The following GLRA1 variants were observed in gnomAD, a reference collection of about 807,000 sequenced individuals.
The protein encoded by GLRA1 is glycine receptor alpha 1.
In GLRA1, 37 loss-of-function variants were observed where a neutral mutation model predicts 48.3. That is an observed-to-expected ratio of 0.77 (90% CI 0.59 to 1.01). The LOEUF is 1.01. Among genes scored for constraint, GLRA1 ranks in the 50% least tolerant of loss-of-function variants. The pLI, the probability that GLRA1 is intolerant of heterozygous loss-of-function variation, is 0.00. For synonymous variants in GLRA1, 196 were observed against 210.7 expected (o/e 0.93, Z 0.60); for missense variants, 427 against 571.0 (o/e 0.75, Z 2.57).
At chr5:151,834,270 A>G (rs1219547872) in intron 7 of GLRA1, among the ~76,000 whole-genome samples, 4 of 152,236 alleles carry the variant, frequency 2.6e-5, no homozygotes, top group Admixed American at 2.6e-4. Flanking sequence ...ATCATAACAA[A>G]CAGTCTCTCA....
chr5:151,849,369 T>A (rs1752815578), intron 7 of GLRA1, among the ~76,000 whole-genome samples: 2 of 62,550 alleles, frequency 3.2e-5, no homozygotes, highest in Non-Finnish European at 5.8e-5. Flanking sequence ...CTTCCTTTCT[T>A]CCTTTCGTTT....
chr5:151,879,203 G>A (rs1352395217), intron 3 of GLRA1, among the ~76,000 whole-genome samples: 1 of 152,198 alleles, frequency 6.6e-6, no homozygotes, highest in Non-Finnish European at 1.5e-5. Context: ...AGACTTGACT[G>A]TCCTACTGGA....
At chr5:151,860,916 C>T (rs1753181677) in intron 3 of GLRA1, among the ~76,000 whole-genome samples, 1 of 152,160 alleles carries the variant, frequency 6.6e-6, no homozygotes, top group African/African-American at 2.4e-5. Context: ...GTGATGTTCC[C>T]CTTTCTGTGT....
intron 8 of GLRA1, among the ~76,000 whole-genome samples, chr5:151,824,127 C>T (rs1763214577): frequency 6.6e-6 from 1 of 151,406 alleles, no homozygotes; most frequent in Non-Finnish European, 1.5e-5. Flanking sequence ...CTCTCCATCT[C>T]TCCTGTAGGG....
intron 6 of GLRA1, 41 bp from the exon 7 acceptor site, chr5:151,851,645 A>T (rs758494031): frequency 7.4e-7 from 1 of 1,350,804 alleles, no homozygotes. Context: ...AGCCTGGTGA[A>T]TAGGACAAAA....
At position 151,849,126 on chromosome 5, in the gene GLRA1, T is replaced by TTCTTTCTTTC. The variant is rs945785058; in HGVS notation, c.912+2254_912+2263dup. On this transcript the variant is annotated intron_variant, in intron 7 of 8. Coordinates refer to ENST00000274576, the MANE Select transcript of GLRA1 (RefSeq NM_000171.4). ...TTCTTTTCTTTCTTTCTTTCTTTCTTTCTTTCTTTCTTTCTTTCTTTCTTT... is the reference window on the plus strand; with the variant it reads ...TTCTTTTCTTTCTTTCTTTCTTTCTTTCTTTCTTTCTCTTTCTTTCTTTCTTTCTTTCTTT... 6.8e-5 allele frequency: 14 copies of TTCTTTCTTTC among 206,592 alleles called. 1 individual carries two copies. The highest frequency in any genetic ancestry group is 6.7e-4 in the African/African-American group (14 of 20,770). 12.8% of individuals were successfully genotyped at this position (206,592 alleles called of 1,614,324 possible).
intron 1 of GLRA1, among the ~76,000 whole-genome samples, chr5:151,922,326 A>T (rs1380102693): frequency 1.3e-5 from 2 of 152,256 alleles, no homozygotes; most frequent in African/African-American, 4.8e-5. Flanking sequence ...TTTAAAAGTG[A>T]GTGACTTAGA....
Position 151,822,877 on chromosome 5 carries a change from G to A in GLRA1, c.1146C>T (p.Val382=), listed in dbSNP as rs1342325394. 1.2e-6 allele frequency: 2 copies of A among 1,614,136 alleles called. No homozygotes were observed. Among genetic ancestry groups the A allele is most frequent in the Non-Finnish European group, 1.7e-6 (2 of 1,180,010 alleles). The change falls in exon 9 of 9, where the codon GTC becomes GTT. Residue 382 remains valine, a synonymous_variant. Transcript: ENST00000274576. ...TGGTGTTACTGTTGTTGGCGCCCTT[G>A]ACTGAGATGCCATCCTTGGCCTGTA... ...ACLQAKDGIS[V]KGANNSNTTN... is the part of the protein sequence containing the mutation.
At chr5:151,859,052 G>C (rs907365328) in intron 4 of GLRA1, among the ~76,000 whole-genome samples, 5 of 152,170 alleles carry the variant, frequency 3.3e-5, no homozygotes, top group Non-Finnish European at 7.4e-5. Flanking sequence ...AATGGGCCTG[G>C]TAAAACCTGC....
chr5:151,856,391 G>C lies in GLRA1; in HGVS notation c.477-8C>G. The C allele has an allele frequency of 6.3e-7, 1 of 1,592,176 alleles. No individual in the cohort carries two copies. The highest frequency in any genetic ancestry group is 8.6e-7 in the Non-Finnish European group (1 of 1,160,362). On this transcript the variant is annotated splice_polypyrimidine_tract_variant and splice_region_variant and intron_variant, in intron 4 of 8. Coordinates refer to ENST00000274576, the MANE Select transcript of GLRA1 (RefSeq NM_000171.4). ...GCCAGTGTCAGGGTGATTCTGGGAA[G>C]AGAAGGGATTTTGAATGATGCAGGA...
rs572370959 is a variant in GLRA1 at position 151,865,099 on chromosome 5, T to C, written c.253-5091A>G. On this transcript the variant is annotated intron_variant, in intron 3 of 8. Transcript: ENST00000274576. ...AAATCTAACAGCTAATTGTTGTTAGTTTTATTTTTTCCAGCAACATTTAAC... is the reference window on the plus strand; with the variant it reads ...AAATCTAACAGCTAATTGTTGTTAGCTTTATTTTTTCCAGCAACATTTAAC... 1.2e-4 allele frequency among the ~76,000 whole-genome samples: 19 copies of C among 152,266 alleles called. No individual in the cohort carries two copies. The South Asian group carries it at 3.9e-3, about 32-fold the overall frequency.
chr5:151,843,240 G>A (rs1752554189), intron 7 of GLRA1, among the ~76,000 whole-genome samples: 1 of 149,656 alleles, frequency 6.7e-6, no homozygotes, highest in Non-Finnish European at 1.5e-5. Context: ...TTCAAAAATT[G>A]ACAAGCTGCT....
chr5:151,887,575 C>T (rs1753941989), intron 2 of GLRA1, among the ~76,000 whole-genome samples: 1 of 152,104 alleles, frequency 6.6e-6, no homozygotes, highest in South Asian at 2.1e-4. Flanking sequence ...AAAACAGAGG[C>T]TCAGAGAAGC....
intron 1 of GLRA1, among the ~76,000 whole-genome samples, chr5:151,903,421 C>T (rs561601221): frequency 9.9e-5 from 15 of 152,184 alleles, no homozygotes; most frequent in Middle Eastern, 3.4e-3. Flanking sequence ...AGGGACTCTC[C>T]AGGGCTCTAA....
At chr5:151,849,094 A>G (rs371246419) in intron 7 of GLRA1, 1 of 249,650 alleles carries the variant, frequency 4.0e-6, no homozygotes, top group Non-Finnish European at 7.3e-6. Context: ...TTTCCTTTTT[A>G]TTTCTTTTCT....
intron 1 of GLRA1, among the ~76,000 whole-genome samples, chr5:151,897,588 C>T (rs1486243780): frequency 6.6e-6 from 1 of 152,034 alleles, no homozygotes; most frequent in Non-Finnish European, 1.5e-5. Context: ...ACTGAGAAGG[C>T]TTATTGCAAT....
chr5:151,889,557 C>T (rs1464587525), intron 2 of GLRA1, among the ~76,000 whole-genome samples: 1 of 152,208 alleles, frequency 6.6e-6, no homozygotes, highest in African/African-American at 2.4e-5. Context: ...CTGTGCTTGC[C>T]ATTCCTGGCT....
chr5:151,837,388 G>A (rs1404360626), intron 7 of GLRA1, among the ~76,000 whole-genome samples: 1 of 152,244 alleles, frequency 6.6e-6, no homozygotes, highest in Non-Finnish European at 1.5e-5. Flanking sequence ...TTCAACCATT[G>A]TGGAAGACAG....
At chr5:151,897,303 G>A (rs555035924) in intron 1 of GLRA1, among the ~76,000 whole-genome samples, 1 of 152,314 alleles carries the variant, frequency 6.6e-6, no homozygotes, top group African/African-American at 2.4e-5. Flanking sequence ...ATGCATCGGG[G>A]AGCTCTTTTA....
Sources: gnomAD v4.1 joint callset for allele counts (sites outside exome capture counted in the v4.1 genomes callset) on GRCh38, gnomAD v4.1.1 for gene constraint, MANE v1.5 for transcripts, NCBI Gene and HGNC (gene_info 2026-07-23, HGNC 2026-07-21) for gene names.